SHISA6: variants seen among roughly 807,000 people sequenced by gnomAD.
SHISA6 encodes protein shisa-6.
In SHISA6, 22 loss-of-function variants were observed where a neutral mutation model predicts 47.9. The observed-to-expected ratio is 0.46, with a 90% CI of 0.33 to 0.66. The LOEUF (loss-of-function observed/expected upper bound fraction) is 0.66, where lower values mean the gene tolerates loss of function less well. Among genes scored for constraint, SHISA6 ranks in the 30% least tolerant of loss-of-function variants. The pLI is 0.02. For missense variants in SHISA6, 680 were observed against 764.6 expected (o/e 0.89, Z 1.30); for synonymous variants, 388 against 337.8 (o/e 1.15, Z -1.63).
At position 11,283,887 on chromosome 17, in the gene SHISA6, T is replaced by C. The variant is rs142637930; in HGVS notation, c.799+20361T>C. 2.5e-4 allele frequency among the ~76,000 whole-genome samples: 38 copies of C among 152,302 alleles called. No homozygotes were observed. In the East Asian group the frequency reaches 5.0e-3, roughly 20 times the overall value. ...GCATATTGGAAAATAATCTATAGAA[T>C]TGTTTAGCTGAAGCTTTTTGTGTGC... is the stretch of plus-strand genomic sequence containing the variant. On this transcript the variant is annotated intron_variant, in intron 2 of 5. Transcript: ENST00000441885.
intron 3 of SHISA6, among the ~76,000 whole-genome samples, chr17:11,402,275 T>C (rs1332604586): frequency 6.6e-6 from 1 of 152,216 alleles, no homozygotes; most frequent in African/African-American, 2.4e-5. Context: ...CCCACCAACC[T>C]GCCATAGTCA....
rs768280409 is a variant in SHISA6 at position 11,491,768 on chromosome 17, G to GTTTTTT, written c.896-60127_896-60126insTTTTTT. On this transcript the variant is annotated intron_variant, in intron 3 of 5. Transcript: ENST00000441885. ...GTGTACTGAAAGGGAAGCTGGTGAAGTGTTTTTTTTTTTTTTTTTTTGAGA... is the reference window on the plus strand; with the variant it reads ...GTGTACTGAAAGGGAAGCTGGTGAAGTTTTTTTGTTTTTTTTTTTTTTTTTTTGAGA... Among the ~76,000 whole-genome samples, 165 of 107,892 alleles carry GTTTTTT rather than the reference G, an allele frequency of 1.5e-3. 2 individuals are homozygous for GTTTTTT. Among genetic ancestry groups the GTTTTTT allele is most frequent in the Non-Finnish European group, 2.0e-3 (100 of 50,764 alleles). The allele number at this position is 107,892 out of a possible 152,430, so 70.8% of individuals were successfully genotyped here.
At chr17:11,320,907 A>G (rs1380770667) in intron 2 of SHISA6, among the ~76,000 whole-genome samples, 1 of 152,202 alleles carries the variant, frequency 6.6e-6, no homozygotes, top group Non-Finnish European at 1.5e-5. Flanking sequence ...AGTGTAATTC[A>G]GGGTGGGAAA....
chr17:11,522,912 CAA>C (rs2071643176), intron 3 of SHISA6, among the ~76,000 whole-genome samples: 1 of 152,210 alleles, frequency 6.6e-6, no homozygotes, highest in African/African-American at 2.4e-5. Flanking sequence ...TTTGCCTTCC[CAA>C]GTTTCCAGAC....
chr17:11,525,260 A>C (rs1159692076), intron 3 of SHISA6, among the ~76,000 whole-genome samples: 1 of 152,190 alleles, frequency 6.6e-6, no homozygotes, highest in African/African-American at 2.4e-5. Context: ...TCATGCCCAC[A>C]AGAAGAACAC....
intron 3 of SHISA6, among the ~76,000 whole-genome samples, chr17:11,461,396 C>CAAAAA (rs778616587): frequency 1.3e-5 from 1 of 76,658 alleles, no homozygotes; most frequent in Non-Finnish European, 2.7e-5. Context: ...GACTCCATCT[C>CAAAAA]AAAAAAAAAA....
chr17:11,253,744 AT>A (rs1174195547), intron 1 of SHISA6, among the ~76,000 whole-genome samples: 3 of 151,302 alleles, frequency 2.0e-5, no homozygotes, highest in Non-Finnish European at 2.9e-5. Context: ...TTCTTTTTCT[AT>A]TTCCTTGAGT....
At chr17:11,281,781 A>G (rs367857261) in intron 2 of SHISA6, among the ~76,000 whole-genome samples, 27 of 152,314 alleles carry the variant, frequency 1.8e-4, no homozygotes, top group East Asian at 7.7e-4. Context: ...TTTAAACTAC[A>G]AGTTCAATTT....
At chr17:11,382,137 A>G (rs1033637054) in intron 3 of SHISA6, among the ~76,000 whole-genome samples, 1 of 152,030 alleles carries the variant, frequency 6.6e-6, no homozygotes, top group Admixed American at 6.6e-5. Context: ...CAGTGGCACA[A>G]TCATAGCTCA....
rs1169907399 is a variant in SHISA6 at position 11,557,919 on chromosome 17, C to A, written c.1271C>A (p.Ser424Tyr). Reference protein sequence around the residue: ...IRAMSQDRVLSPDRGLPDEFS... With the variant: ...IRAMSQDRVLYPDRGLPDEFS... ...GCCATGTCCCAGGACAGGGTCCTGT[C>A]CCCGGATCGGGGCCTGCCAGATGAG... Residue 424 changes from serine to tyrosine, a missense_variant, in exon 6 of 6, where the codon TCC becomes TAC. Ser to Tyr is a moderately radical substitution (Grantham distance 144). This residue lies in a region of SHISA6 where 559 missense variants were observed against 674.1 expected (regional missense o/e 0.83). Coordinates refer to ENST00000441885, the MANE Select transcript of SHISA6 (RefSeq NM_207386.4). 2 of 1,551,606 alleles carry A rather than the reference C, an allele frequency of 1.3e-6. No homozygotes were observed.
At position 11,484,157 on chromosome 17, in the gene SHISA6, T is replaced by A. The variant is rs146452478; in HGVS notation, c.896-67739T>A. ...TGAATTATCCCTTCATCTCAGAATGTAAAAGGATACAATTAAATAAATTCT... is the reference window on the plus strand; with the variant it reads ...TGAATTATCCCTTCATCTCAGAATGAAAAAGGATACAATTAAATAAATTCT... On this transcript the variant is annotated intron_variant, in intron 3 of 5. Coordinates refer to ENST00000441885, the MANE Select transcript of SHISA6 (RefSeq NM_207386.4). Among the ~76,000 whole-genome samples, 658 of 152,212 alleles carry A rather than the reference T, an allele frequency of 4.3e-3. 3 individuals are homozygous for A. Among genetic ancestry groups the A allele is most frequent in the Non-Finnish European group, 7.0e-3 (473 of 68,016 alleles).
chr17:11,291,787 C>T (rs1909553375), intron 2 of SHISA6, among the ~76,000 whole-genome samples: 1 of 152,152 alleles, frequency 6.6e-6, no homozygotes, highest in African/African-American at 2.4e-5. Context: ...CCTGTGTCCT[C>T]ATGTGGTCAC....
chr17:11,460,869 C>T (rs1455518597), intron 3 of SHISA6, among the ~76,000 whole-genome samples: 1 of 152,290 alleles, frequency 6.6e-6, no homozygotes, highest in Middle Eastern at 3.4e-3. Flanking sequence ...ATGGACAAGT[C>T]CCTGAATGTG....
chr17:11,363,397 G>A (rs932769506), intron 2 of SHISA6, among the ~76,000 whole-genome samples: 3 of 152,148 alleles, frequency 2.0e-5, no homozygotes, highest in Non-Finnish European at 4.4e-5. Flanking sequence ...GATTAGACTA[G>A]TCTTGCCCTT....
intron 3 of SHISA6, among the ~76,000 whole-genome samples, chr17:11,496,197 G>A (rs892559053): frequency 2.0e-5 from 3 of 152,174 alleles, no homozygotes; most frequent in Non-Finnish European, 4.4e-5. Context: ...CCAACCTGGT[G>A]AGATTTCCAG....
At chr17:11,260,662 G>A (rs1372978454) in intron 1 of SHISA6, among the ~76,000 whole-genome samples, 1 of 151,352 alleles carries the variant, frequency 6.6e-6, no homozygotes, top group East Asian at 2.0e-4. Context: ...CTGTCTCCTG[G>A]TGCCTGTCAC....
chr17:11,480,988 A>C (rs1310103261), intron 3 of SHISA6, among the ~76,000 whole-genome samples: 1 of 152,170 alleles, frequency 6.6e-6, no homozygotes, highest in East Asian at 1.9e-4. Flanking sequence ...AATCTTAAAG[A>C]TATTTAGAGG....
At chr17:11,308,013 G>T (rs557470734) in intron 2 of SHISA6, among the ~76,000 whole-genome samples, 23 of 152,278 alleles carry the variant, frequency 1.5e-4, no homozygotes, top group Admixed American at 3.3e-4. Context: ...GCGGAGTTTG[G>T]TGTCTGAGCT....
chr17:11,255,510 C>T (rs1264898263), intron 1 of SHISA6, among the ~76,000 whole-genome samples: 4 of 152,184 alleles, frequency 2.6e-5, no homozygotes, highest in South Asian at 4.1e-4. Context: ...TCATTTGCAG[C>T]GGGGCTTCAT....
Sources: gnomAD v4.1 joint callset for allele counts (sites outside exome capture counted in the v4.1 genomes callset) on GRCh38, gnomAD v4.1.1 for gene constraint, gnomAD v4.1.1 regional missense constraint, MANE v1.5 for transcripts, NCBI Gene and HGNC (gene_info 2026-07-23, HGNC 2026-07-21) for gene names.